The following NEGR1 variants were observed in gnomAD, a reference collection of about 807,000 sequenced individuals.
The protein encoded by NEGR1 is neuronal growth regulator 1, also known as IgLON family member 4.
In NEGR1, 10 loss-of-function variants were observed where a neutral mutation model predicts 40.9. The observed-to-expected ratio is 0.24, with a 90% CI of 0.15 to 0.42. The LOEUF (loss-of-function observed/expected upper bound fraction) is 0.42. Ranked by LOEUF, NEGR1 falls within the 10% of genes least tolerant of loss-of-function variation. The pLI, the probability that NEGR1 is intolerant of heterozygous loss-of-function variation, is 1.00. For missense variants in NEGR1, 352 were observed against 438.9 expected (o/e 0.80, Z 1.77); for synonymous variants, 185 against 166.8 (o/e 1.11, Z -0.84).
At chr1:71,547,613 G>A (rs974062725) in intron 6 of NEGR1, among the ~76,000 whole-genome samples, 3 of 151,706 alleles carry the variant, frequency 2.0e-5, no homozygotes, top group Admixed American at 6.6e-5. Context: ...TTAATAAATA[G>A]GATATTCTTT....
chr1:71,730,877 C>CGTGTGTGTGT (rs59873481), intron 3 of NEGR1, among the ~76,000 whole-genome samples: 11 of 130,004 alleles, frequency 8.5e-5, no homozygotes, highest in African/African-American at 1.4e-4. Context: ...GTGAAGCATT[C>CGTGTGTGTGT]GTGTGTGTGT....
At chr1:71,723,541 A>T (rs1408719526) in intron 3 of NEGR1, among the ~76,000 whole-genome samples, 1 of 152,140 alleles carries the variant, frequency 6.6e-6, no homozygotes, top group Admixed American at 6.5e-5. Flanking sequence ...AACAGGGCTC[A>T]GGGAGCTTCT....
At chr1:71,543,492 T>C (rs544433210) in intron 6 of NEGR1, among the ~76,000 whole-genome samples, 3 of 151,902 alleles carry the variant, frequency 2.0e-5, no homozygotes, top group Admixed American at 6.6e-5. Flanking sequence ...GACCATATCA[T>C]AATTTTTAAA....
chr1:71,838,581 T>C (rs1659123307), intron 2 of NEGR1, among the ~76,000 whole-genome samples: 1 of 152,102 alleles, frequency 6.6e-6, no homozygotes, highest in South Asian at 2.1e-4. Context: ...ATCAGCTAAG[T>C]AGGAAATATA....
intron 1 of NEGR1, among the ~76,000 whole-genome samples, chr1:72,238,773 G>A (rs1439419117): frequency 1.3e-5 from 2 of 151,854 alleles, no homozygotes; most frequent in Non-Finnish European, 2.9e-5. Context: ...CTTCATGCTA[G>A]TGCAGTTCAG....
intron 2 of NEGR1, among the ~76,000 whole-genome samples, chr1:71,811,360 C>T (rs1657994046): frequency 6.6e-6 from 1 of 151,916 alleles, no homozygotes; most frequent in Non-Finnish European, 1.5e-5. Flanking sequence ...GATAAAAGAG[C>T]TATCTGTTTG....
At chr1:72,226,492 T>A (rs1307176759) in intron 1 of NEGR1, among the ~76,000 whole-genome samples, 4 of 152,034 alleles carry the variant, frequency 2.6e-5, no homozygotes, top group African/African-American at 9.6e-5. Context: ...AGAAAATAAT[T>A]ATCTTCTCAA....
chr1:71,588,706 T>C (rs1187573893), intron 6 of NEGR1, among the ~76,000 whole-genome samples: 1 of 152,178 alleles, frequency 6.6e-6, no homozygotes, highest in Non-Finnish European at 1.5e-5. Flanking sequence ...TTAAGTTGTC[T>C]TCATGTTAAA....
intron 6 of NEGR1, among the ~76,000 whole-genome samples, chr1:71,445,391 G>A (rs1297396133): frequency 6.6e-6 from 1 of 150,788 alleles, no homozygotes; most frequent in South Asian, 2.1e-4. Context: ...GAAAAATTTG[G>A]AATTTTCTAT....
At chr1:71,618,767 C>T (rs1001713537) in intron 4 of NEGR1, among the ~76,000 whole-genome samples, 6 of 152,104 alleles carry the variant, frequency 3.9e-5, no homozygotes, top group South Asian at 2.1e-4. Context: ...TCCAAAAAAC[C>T]GGTCCCTGGT....
chr1:71,956,636 G>A (rs1646121900), intron 1 of NEGR1, among the ~76,000 whole-genome samples: 1 of 152,018 alleles, frequency 6.6e-6, no homozygotes, highest in Admixed American at 6.6e-5. Flanking sequence ...TCACATTTCT[G>A]AAATTATCTG....
chr1:71,475,803 A>C (rs951038905), intron 6 of NEGR1, among the ~76,000 whole-genome samples: 6 of 152,140 alleles, frequency 3.9e-5, no homozygotes, highest in African/African-American at 1.4e-4. Flanking sequence ...CTCTCTGGCA[A>C]AAATTTATTA....
intron 1 of NEGR1, among the ~76,000 whole-genome samples, chr1:71,991,527 G>A (rs1249570870): frequency 6.6e-6 from 1 of 152,166 alleles, no homozygotes; most frequent in East Asian, 1.9e-4. Context: ...AGAGCATTGT[G>A]TGGTCCACAG....
chr1:71,947,656 G>T (rs990616466), intron 1 of NEGR1, among the ~76,000 whole-genome samples: 9 of 152,062 alleles, frequency 5.9e-5, no homozygotes, highest in African/African-American at 2.2e-4. Flanking sequence ...TAAACTTTGG[G>T]CCGTGGCCCA....
intron 1 of NEGR1, among the ~76,000 whole-genome samples, chr1:72,256,617 AGAGAAG>A (rs1655278384): frequency 6.6e-6 from 1 of 152,226 alleles, no homozygotes; most frequent in South Asian, 2.1e-4. Context: ...ATTGCAGTTC[AGAGAAG>A]GAGAAGAAAA....
intron 3 of NEGR1, among the ~76,000 whole-genome samples, chr1:71,757,650 C>T (rs535387850): frequency 6.6e-6 from 1 of 152,006 alleles, no homozygotes; most frequent in Non-Finnish European, 1.5e-5. Flanking sequence ...TATTCCATTT[C>T]TTGTCCTCCC....
chr1:71,946,835 T>A (rs1206915155), intron 1 of NEGR1, among the ~76,000 whole-genome samples: 3 of 151,994 alleles, frequency 2.0e-5, no homozygotes. Context: ...AATAAATATT[T>A]GTCCAGCACT....
chr1:72,146,723 A>T (rs1248640501), intron 1 of NEGR1, among the ~76,000 whole-genome samples: 1 of 152,224 alleles, frequency 6.6e-6, no homozygotes, highest in African/African-American at 2.4e-5. Context: ...TCAAATTCAG[A>T]TACATTTCAG....
chr1:71,594,540 A>C (rs766978918), intron 5 of NEGR1, among the ~76,000 whole-genome samples: 1 of 152,218 alleles, frequency 6.6e-6, no homozygotes, highest in African/African-American at 2.4e-5. Context: ...CTTTAATCAG[A>C]TTAATAAAAG....
Sources: gnomAD v4.1 joint callset for allele counts (sites outside exome capture counted in the v4.1 genomes callset) on GRCh38, gnomAD v4.1.1 for gene constraint, MANE v1.5 for transcripts, NCBI Gene and HGNC (gene_info 2026-07-23, HGNC 2026-07-21) for gene names.